The following SETBP1 variants were observed in gnomAD, a reference collection of about 807,000 sequenced individuals.
SETBP1 encodes SET binding protein 1.
Under a neutral mutation model 101.0 loss-of-function variants are expected in SETBP1, and 9 were observed. That is an observed-to-expected ratio of 0.09 (90% CI 0.05 to 0.16). The LOEUF is 0.16. SETBP1 is among the 10% of genes least tolerant of loss of function. The pLI is 1.00. For missense variants in SETBP1, 1,858 were observed against 2,033.8 expected (o/e 0.91, Z 1.66); for synonymous variants, 818 against 788.5 (o/e 1.04, Z -0.63).
At chr18:44,879,512 T>C (rs925434479) in intron 3 of SETBP1, among the ~76,000 whole-genome samples, 3 of 152,212 alleles carry the variant, frequency 2.0e-5, no homozygotes, top group African/African-American at 7.2e-5. Context: ...TTGAAATTGA[T>C]CTTGGACTGT....
At chr18:44,955,479 G>T (rs1260509600) in intron 4 of SETBP1, among the ~76,000 whole-genome samples, 1 of 152,220 alleles carries the variant, frequency 6.6e-6, no homozygotes, top group East Asian at 1.9e-4. Context: ...AACTCATGGG[G>T]TTGGGCCAGA....
intron 1 of SETBP1, among the ~76,000 whole-genome samples, chr18:44,694,764 A>G (rs1221173480): frequency 6.6e-6 from 1 of 152,090 alleles, no homozygotes; most frequent in Non-Finnish European, 1.5e-5. Flanking sequence ...GAGCAAAGAA[A>G]CAGAACCCAA....
chr18:44,736,064 A>G (rs566603724), intron 2 of SETBP1, among the ~76,000 whole-genome samples: 2 of 152,288 alleles, frequency 1.3e-5, no homozygotes, highest in African/African-American at 4.8e-5. Context: ...GTCTTTTGGA[A>G]TAGCCACAAA....
intron 4 of SETBP1, among the ~76,000 whole-genome samples, chr18:45,025,706 C>A (rs532921780): frequency 1.3e-5 from 2 of 152,182 alleles, no homozygotes; most frequent in Admixed American, 1.3e-4. Flanking sequence ...AAAGACATGA[C>A]TACTTAACAA....
Position 45,063,529 on chromosome 18 carries a change from C to T in SETBP1, c.4622C>T (p.Pro1541Leu). ...PPPPPPPLPPPPPLPKTPRGG... is the reference protein window; with the variant it reads ...PPPPPPPLPPLPPLPKTPRGG... ...CCGCCGCCACCACCCCTGCCCCCGCCACCCCCTCTACCCAAGACCCCCCGA... is the reference window on the plus strand; with the variant it reads ...CCGCCGCCACCACCCCTGCCCCCGCTACCCCCTCTACCCAAGACCCCCCGA... Residue 1541 changes from proline (P) to leucine (L), a missense_variant, in exon 6 of 6, where the codon CCA becomes CTA. Around this residue, in one of 12 missense-constraint regions of SETBP1, gnomAD observed 178 missense variants for 189.1 expected, o/e 0.94. Coordinates refer to ENST00000649279, the MANE Select transcript of SETBP1 (RefSeq NM_015559.3). 2 of 1,378,202 alleles carry T rather than the reference C, an allele frequency of 1.5e-6. No homozygotes were observed. The highest frequency in any genetic ancestry group is 1.9e-6 in the Non-Finnish European group (2 of 1,052,454). 85.4% of individuals were successfully genotyped at this position (1,378,202 alleles called of 1,614,324 possible). A position where few individuals can be genotyped will look rare whatever the true frequency, so the allele number is the denominator to read the frequency against.
chr18:44,960,086 A>G (rs540438564), intron 4 of SETBP1, among the ~76,000 whole-genome samples: 68 of 152,202 alleles, frequency 4.5e-4, no homozygotes, highest in Admixed American at 2.2e-3. Context: ...TAGTAGAGAC[A>G]GGGTCTCACC....
chr18:45,038,806 CTT>C, intron 5 of SETBP1, 151 bp downstream of exon 5: 1 of 762,568 alleles, frequency 1.3e-6, no homozygotes, highest in South Asian at 1.6e-5. Context: ...AGCACTGGCT[CTT>C]TGAAGTGGGA....
At chr18:44,867,091 G>C (rs2069145567) in intron 2 of SETBP1, among the ~76,000 whole-genome samples, 1 of 152,212 alleles carries the variant, frequency 6.6e-6, no homozygotes, top group Admixed American at 6.5e-5. Flanking sequence ...GTGAAACCTA[G>C]AAAATGTTAC....
At chr18:44,744,791 A>T (rs1400858329) in intron 2 of SETBP1, among the ~76,000 whole-genome samples, 1 of 151,768 alleles carries the variant, frequency 6.6e-6, no homozygotes, top group Non-Finnish European at 1.5e-5. Context: ...AACAAAAAAA[A>T]AAACGCTTTC....
intron 4 of SETBP1, among the ~76,000 whole-genome samples, chr18:44,985,010 G>A (rs903555612): frequency 1.3e-5 from 2 of 152,062 alleles, no homozygotes; most frequent in Non-Finnish European, 2.9e-5. Context: ...TCGTGGTGGC[G>A]TGCGCCTATA....
chr18:44,712,757 G>C (rs978317112), intron 2 of SETBP1, among the ~76,000 whole-genome samples: 2 of 151,888 alleles, frequency 1.3e-5, no homozygotes, highest in African/African-American at 4.8e-5. Flanking sequence ...ATCCAGAAAG[G>C]GTCCTCGAAT....
chr18:44,943,857 C>A (rs2071142188), intron 3 of SETBP1, among the ~76,000 whole-genome samples: 1 of 144,586 alleles, frequency 6.9e-6, no homozygotes, highest in African/African-American at 2.6e-5. Flanking sequence ...TTTTTTGAGA[C>A]AGAGTCTCTC....
chr18:44,781,448 G>GCTCTCTCT (rs139439080), intron 2 of SETBP1, among the ~76,000 whole-genome samples: 6 of 142,668 alleles, frequency 4.2e-5, no homozygotes, highest in African/African-American at 1.6e-4. Flanking sequence ...TCTTTGCACC[G>GCTCTCTCT]CTCTCTCTCT....
At chr18:45,002,757 T>G (rs368579627) in intron 4 of SETBP1, among the ~76,000 whole-genome samples, 2 of 152,196 alleles carry the variant, frequency 1.3e-5, no homozygotes, top group Admixed American at 1.3e-4. Flanking sequence ...GAGACATTAT[T>G]GAGATTGTTT....
At chr18:44,882,494 C>T (rs2069551936) in intron 3 of SETBP1, among the ~76,000 whole-genome samples, 1 of 151,778 alleles carries the variant, frequency 6.6e-6, no homozygotes, top group Non-Finnish European at 1.5e-5. Flanking sequence ...TGACAAGCAA[C>T]CTTTGTGTCT....
chr18:44,851,779 C>T (rs1446407966), intron 2 of SETBP1, among the ~76,000 whole-genome samples: 2 of 152,198 alleles, frequency 1.3e-5, no homozygotes, highest in Non-Finnish European at 2.9e-5. Context: ...CTGCCATCTG[C>T]CCCATTCTCT....
At chr18:44,893,217 T>C (rs1411176607) in intron 3 of SETBP1, among the ~76,000 whole-genome samples, 5 of 152,140 alleles carry the variant, frequency 3.3e-5, no homozygotes, top group African/African-American at 1.2e-4. Context: ...TTAGAACAGA[T>C]CCTGTCACCT....
At position 45,063,944 on chromosome 18, in the gene SETBP1, A is replaced by AGTAC; in HGVS notation, c.*248_*251dup. On this transcript the variant is annotated 3_prime_UTR_variant, in exon 6 of 6. Transcript: ENST00000649279. ...CGCAGCTCCCACCACGCGGCGCTTCAGTACGGCTGGATCCTCCGCAGGCGA... is the reference window on the plus strand; with the variant it reads ...CGCAGCTCCCACCACGCGGCGCTTCAGTACGTACGGCTGGATCCTCCGCAGGCGA... 2.2e-6 allele frequency: 1 copy of AGTAC among 449,438 alleles called. No individual in the cohort carries two copies. The highest frequency in any genetic ancestry group is 4.1e-6 in the Non-Finnish European group (1 of 245,856). The allele number at this position is 449,438 out of a possible 1,614,324, so 27.8% of individuals were successfully genotyped here. A position where few individuals can be genotyped will look rare whatever the true frequency, so the allele number is the denominator to read the frequency against.
At chr18:44,937,591 C>T (rs1312691434) in intron 3 of SETBP1, among the ~76,000 whole-genome samples, 1 of 152,142 alleles carries the variant, frequency 6.6e-6, no homozygotes, top group Admixed American at 6.5e-5. Flanking sequence ...GAACCTGAGC[C>T]TCCCCACCAC....
Sources: allele counts gnomAD v4.1 joint callset (sites outside exome capture counted in the v4.1 genomes callset), GRCh38; gene constraint gnomAD v4.1.1; regional missense constraint gnomAD v4.1.1; transcripts MANE v1.5; gene names NCBI Gene and HGNC (gene_info 2026-07-23, HGNC 2026-07-21).